The following TUSC3 variants were observed in gnomAD, a reference collection of about 807,000 sequenced individuals.
TUSC3 encodes the protein tumor suppressor candidate 3, also known as dolichyl-diphosphooligosaccharide--protein glycosyltransferase subunit TUSC3.
In TUSC3, 45 loss-of-function variants were observed where a neutral mutation model predicts 44.8. The observed-to-expected ratio is 1.00, with a 90% confidence interval of 0.79 to 1.29. The LOEUF (loss-of-function observed/expected upper bound fraction) is 1.29. Ranked by LOEUF, TUSC3 falls within the 50% of genes most tolerant of loss-of-function variation. The probability of loss-of-function intolerance (pLI) is 0.00; values close to 1 mark genes in which losing one functional copy is unlikely to be tolerated. For missense variants in TUSC3, 519 were observed against 437.9 expected (o/e 1.19, Z -1.65); for synonymous variants, 212 against 152.9 (o/e 1.39, Z -2.85).
chr8:15,554,166 C>G (rs1478344974), intron 1 of TUSC3, among the ~76,000 whole-genome samples: 3 of 151,284 alleles, frequency 2.0e-5, no homozygotes, highest in Admixed American at 6.6e-5. Flanking sequence ...TCTTCAAACC[C>G]CACCTTCCTT....
At chr8:15,813,923 G>C in the TUSC3 span, among the ~76,000 whole-genome samples, 2 of 152,134 alleles carry the variant, frequency 1.3e-5, no homozygotes. Flanking sequence ...CCGTTACTAA[G>C]TTTGCGACAT....
the TUSC3 span, among the ~76,000 whole-genome samples, chr8:15,778,008 G>A: frequency 2.7e-5 from 4 of 150,256 alleles, no homozygotes; most frequent in African/African-American, 9.8e-5. Flanking sequence ...CCCTCTCCTT[G>A]CCCCCTACCA....
At chr8:15,546,996 A>G (rs1178630877) in intron 1 of TUSC3, among the ~76,000 whole-genome samples, 1 of 151,760 alleles carries the variant, frequency 6.6e-6, no homozygotes. Context: ...CTAAGATAGA[A>G]TAGCATCTTG....
At chr8:15,597,092 G>T (rs889402707) in intron 1 of TUSC3, among the ~76,000 whole-genome samples, 3 of 152,040 alleles carry the variant, frequency 2.0e-5, no homozygotes, top group Non-Finnish European at 4.4e-5. Context: ...AGTAGGAAGA[G>T]GTCAGAGATA....
At chr8:15,643,916 G>A (rs1806498786) in intron 2 of TUSC3, among the ~76,000 whole-genome samples, 1 of 151,924 alleles carries the variant, frequency 6.6e-6, no homozygotes, top group African/African-American at 2.4e-5. Flanking sequence ...TTTTTATTTG[G>A]GGTTTTATTA....
chr8:15,448,557 G>A (rs776794679), intron 1 of TUSC3, among the ~76,000 whole-genome samples: 7 of 152,278 alleles, frequency 4.6e-5, no homozygotes, highest in South Asian at 2.1e-4. Flanking sequence ...TAGAGCAGAT[G>A]TAAAAAGTGT....
chr8:15,684,187 A>T (rs530079821), intron 6 of TUSC3, among the ~76,000 whole-genome samples: 3 of 151,246 alleles, frequency 2.0e-5, no homozygotes, highest in Admixed American at 1.3e-4. Flanking sequence ...TGCCTTTCCA[A>T]TGTTTACCTT....
At chr8:15,496,668 G>A (rs1800884488) in intron 2 of TUSC3, among the ~76,000 whole-genome samples, 1 of 152,152 alleles carries the variant, frequency 6.6e-6, no homozygotes. Context: ...CAGACCCTGA[G>A]AAACGCATAT....
intron 2 of TUSC3, among the ~76,000 whole-genome samples, chr8:15,629,951 A>C (rs1360754718): frequency 6.6e-6 from 1 of 152,072 alleles, no homozygotes; most frequent in Non-Finnish European, 1.5e-5. Flanking sequence ...TCCTCGGCCA[A>C]ATAAAGTTGT....
the TUSC3 span, among the ~76,000 whole-genome samples, chr8:15,809,262 A>C: frequency 6.6e-6 from 1 of 152,204 alleles, no homozygotes; most frequent in South Asian, 2.1e-4. Flanking sequence ...TGGTCAGGTC[A>C]CAGTATTTCC....
chr8:15,767,027 A>G (rs184603839), downstream of TUSC3, among the ~76,000 whole-genome samples: 10 of 152,256 alleles, frequency 6.6e-5, no homozygotes, highest in Admixed American at 2.6e-4. Context: ...GGTCTTCTTC[A>G]TACTCCAGCA....
At chr8:15,443,546 T>C (rs906363007) in intron 1 of TUSC3, among the ~76,000 whole-genome samples, 1 of 152,114 alleles carries the variant, frequency 6.6e-6, no homozygotes, top group Non-Finnish European at 1.5e-5. Flanking sequence ...CGAATCCATC[T>C]TGCTTCTAAC....
chr8:15,796,163 A>T, the TUSC3 span, among the ~76,000 whole-genome samples: 1 of 152,092 alleles, frequency 6.6e-6, no homozygotes, highest in Admixed American at 6.6e-5. Flanking sequence ...GTCGGTGGAT[A>T]TGTTAGCATG....
chr8:15,720,874 T>C (rs1021002037), intron 6 of TUSC3, among the ~76,000 whole-genome samples: 1 of 152,080 alleles, frequency 6.6e-6, no homozygotes, highest in Non-Finnish European at 1.5e-5. Context: ...ATAACAAATA[T>C]GTTAAAAGGT....
upstream of TUSC3, among the ~76,000 whole-genome samples, chr8:15,539,030 T>A (rs992891933): frequency 2.0e-5 from 3 of 151,680 alleles, no homozygotes; most frequent in Non-Finnish European, 4.4e-5. Context: ...TTTTTTTTTT[T>A]TTCGTAAAGA....
chr8:15,535,532 A>G (rs1232346443), upstream of TUSC3, among the ~76,000 whole-genome samples: 1 of 152,202 alleles, frequency 6.6e-6, no homozygotes, highest in African/African-American at 2.4e-5. Context: ...ACAAACAATT[A>G]TAGGGCAGAG....
In TUSC3 at chr8:15,573,168, T is replaced by TCTTTC. The variant is rs1563296867; in HGVS notation, c.138+32600_138+32601insCTTTC. On this transcript the variant is annotated intron_variant, in intron 1 of 10. Coordinates refer to ENST00000503731, the MANE Select transcript of TUSC3 (RefSeq NM_006765.4). ...TGCTTCAGTATAGTGTTCTCTCTCT[T>TCTTTC]TCTCTCTCTCTCTCTCTCTCTCTCT... 5.1e-3 allele frequency among the ~76,000 whole-genome samples: 438 copies of TCTTTC among 85,508 alleles called. 5 individuals carry two copies. Among genetic ancestry groups the TCTTTC allele is most frequent in the African/African-American group, 6.9e-3 (139 of 20,004 alleles). The allele number at this position is 85,508 out of a possible 152,430, so 56.1% of individuals were successfully genotyped here. A position where few individuals can be genotyped will look rare whatever the true frequency, so the allele number is the denominator to read the frequency against.
chr8:15,800,530 G>A, the TUSC3 span, among the ~76,000 whole-genome samples: 1 of 151,470 alleles, frequency 6.6e-6, no homozygotes, highest in Non-Finnish European at 1.5e-5. Context: ...CTGAGATCAT[G>A]CCACTGCACT....
At chr8:15,774,936 G>A in the TUSC3 span, among the ~76,000 whole-genome samples, 4 of 151,936 alleles carry the variant, frequency 2.6e-5, no homozygotes, top group African/African-American at 4.8e-5. Context: ...TGAATTAAAC[G>A]GACTTACCAT....
Sources: allele counts gnomAD v4.1 joint callset (sites outside exome capture counted in the v4.1 genomes callset), GRCh38; gene constraint gnomAD v4.1.1; transcripts MANE v1.5; gene names NCBI Gene and HGNC (gene_info 2026-07-23, HGNC 2026-07-21).